NSUN3: variants seen among roughly 807,000 people sequenced by gnomAD.
The protein encoded by NSUN3 is tRNA (cytosine(34)-C(5))-methyltransferase, mitochondrial.
A neutral mutation model predicts 36.8 loss-of-function variants in NSUN3; 24 were observed. That is an observed-to-expected ratio of 0.65 (90% CI 0.47 to 0.92). NSUN3 has a LOEUF of 0.92. NSUN3 is among the 40% of genes least tolerant of loss of function. The pLI is 0.00. For missense variants in NSUN3, 381 were observed against 392.8 expected (o/e 0.97, Z 0.25); for synonymous variants, 146 against 145.2 (o/e 1.01, Z -0.04).
intron 5 of NSUN3, among the ~76,000 whole-genome samples, chr3:94,098,702 T>C: frequency 6.6e-6 from 1 of 152,182 alleles, no homozygotes; most frequent in Non-Finnish European, 1.5e-5. Context: ...GTCTCATTTC[T>C]GAGGCCAGTG....
chr3:94,082,520 C>T (rs952178010), intron 2 of NSUN3, among the ~76,000 whole-genome samples: 6 of 152,128 alleles, frequency 3.9e-5, no homozygotes, highest in African/African-American at 9.7e-5. Flanking sequence ...AGCAGTTTCA[C>T]GTATTAGCCC....
chr3:94,063,192 G>A, intron 1 of NSUN3, 54 bp downstream of exon 1: 2 of 1,598,132 alleles, frequency 1.3e-6, no homozygotes, highest in Non-Finnish European at 1.7e-6. Flanking sequence ...GCTTCTGGAC[G>A]CGGCCGAGGT....
chr3:94,118,705 A>G (rs1286669063), intron 5 of NSUN3, among the ~76,000 whole-genome samples: 1 of 152,028 alleles, frequency 6.6e-6, no homozygotes, highest in Non-Finnish European at 1.5e-5. Flanking sequence ...AAAAAAAAAA[A>G]TAATAAATAA....
At chr3:94,115,484 C>G (rs1219811386) in intron 5 of NSUN3, among the ~76,000 whole-genome samples, 1 of 152,158 alleles carries the variant, frequency 6.6e-6, no homozygotes, top group Non-Finnish European at 1.5e-5. Context: ...GGGCTGTAAT[C>G]TTAATTTTTC....
chr3:94,084,772 G>T, intron 3 of NSUN3: 1 of 201,234 alleles, frequency 5.0e-6, no homozygotes, highest in Non-Finnish European at 1.0e-5. Context: ...GTCTTATGTA[G>T]ATATCCCTGT....
At position 94,125,793 on chromosome 3, in the gene NSUN3, G is replaced by A. The variant is rs2077482978; in HGVS notation, c.744-418G>A. On this transcript the variant is annotated intron_variant, in intron 5 of 5. Coordinates refer to ENST00000314622, the MANE Select transcript of NSUN3 (RefSeq NM_022072.5). ...GTAAGATCAGAGATTGGGCACAGTG[G>A]CTCACGCCTGTAATCCCAACACTTT... Among the ~76,000 whole-genome samples the A allele has an allele frequency of 2.6e-5, 4 of 152,210 alleles. No homozygotes were observed. The South Asian group carries it at 8.3e-4, about 32-fold the overall frequency.
chr3:94,083,214 A>G lies in NSUN3; in HGVS notation c.123-893A>G, dbSNP rs146033808. 3.2e-3 allele frequency among the ~76,000 whole-genome samples: 481 copies of G among 152,046 alleles called. 1 individual carries two copies. The highest frequency in any genetic ancestry group is 5.5e-3 in the Non-Finnish European group (377 of 68,010). ...TTAAGCCTCAAAAACCTCAGTAATCATAATGTTAACAGTAGAGGGTCTTGA... is the reference window on the plus strand; with the variant it reads ...TTAAGCCTCAAAAACCTCAGTAATCGTAATGTTAACAGTAGAGGGTCTTGA... On this transcript the variant is annotated intron_variant, in intron 2 of 5. Transcript: ENST00000314622.
chr3:94,126,596 G>A lies in NSUN3; in HGVS notation c.*106G>A. On this transcript the variant is annotated 3_prime_UTR_variant, in exon 6 of 6. Transcript: ENST00000314622. ...CAGTAACTTTCTCTGGGTCTGTTTG[G>A]AATCCTATTTAGTTAATACTTTAGC... is the stretch of plus-strand genomic sequence containing the variant. 20 of 1,017,112 alleles carry A rather than the reference G, an allele frequency of 2.0e-5. No individual in the cohort carries two copies. The South Asian group carries it at 3.5e-4, about 18-fold the overall frequency. 63.0% of individuals were successfully genotyped at this position (1,017,112 alleles called of 1,614,324 possible). A position where few individuals can be genotyped will look rare whatever the true frequency, so the allele number is the denominator to read the frequency against.
intron 5 of NSUN3, 140 bp downstream of exon 5, chr3:94,095,294 T>C (rs969877208): frequency 1.5e-5 from 12 of 776,028 alleles, no homozygotes; most frequent in African/African-American, 1.2e-4. Flanking sequence ...CTCAAAAAAT[T>C]CCCAACTTCT....
chr3:94,073,960 T>G (rs1218894428), intron 2 of NSUN3, among the ~76,000 whole-genome samples: 2 of 152,222 alleles, frequency 1.3e-5, no homozygotes, highest in African/African-American at 4.8e-5. Context: ...TTAATCCATC[T>G]TCAGCTAATT....
At chr3:94,076,271 T>C in intron 2 of NSUN3, 2 of 901,930 alleles carry the variant, frequency 2.2e-6, no homozygotes, top group Non-Finnish European at 1.9e-6. Flanking sequence ...GTTTCAGATT[T>C]CTCAGATCCC....
intron 2 of NSUN3, among the ~76,000 whole-genome samples, chr3:94,080,935 C>T (rs1445635794): frequency 6.6e-6 from 1 of 152,160 alleles, no homozygotes; most frequent in Non-Finnish European, 1.5e-5. Context: ...CTCGCTGGTG[C>T]TTCAGGCGCC....
At chr3:94,097,567 G>A (rs2077347918) in intron 5 of NSUN3, among the ~76,000 whole-genome samples, 1 of 152,074 alleles carries the variant, frequency 6.6e-6, no homozygotes. Context: ...AGGTCTGCTA[G>A]CATTTTTCTT....
rs1343132884 is a variant in NSUN3, at chr3:94,094,167, G to C, written c.494G>C (p.Ser165Thr). 1 of 1,611,742 alleles carries C rather than the reference G, an allele frequency of 6.2e-7. No individual in the cohort carries two copies. The highest frequency in any genetic ancestry group is 8.5e-7 in the Non-Finnish European group (1 of 1,178,952). ...TATCTTCATTGTAATGAATATGATAGTCTGAGATTGAGGTGGCTAAGGCAG... is the reference window on the plus strand; with the variant it reads ...TATCTTCATTGTAATGAATATGATACTCTGAGATTGAGGTGGCTAAGGCAG... ...PGYLHCNEYD[S>T]LRLRWLRQTL... The change falls in exon 4 of 6, where the codon AGT becomes ACT. Residue 165 changes from serine (S) to threonine (T), a missense_variant. Ser to Thr is a moderately conservative substitution (Grantham distance 58). Coordinates refer to ENST00000314622, the MANE Select transcript of NSUN3 (RefSeq NM_022072.5).
chr3:94,082,588 A>G (rs1473360783), intron 2 of NSUN3, among the ~76,000 whole-genome samples: 1 of 152,154 alleles, frequency 6.6e-6, no homozygotes, highest in Non-Finnish European at 1.5e-5. Flanking sequence ...CAATCCACCC[A>G]TTCCTCACAT....
At chr3:94,063,611 C>T (rs1006938214) in intron 1 of NSUN3, among the ~76,000 whole-genome samples, 5 of 151,920 alleles carry the variant, frequency 3.3e-5, no homozygotes, top group African/African-American at 1.2e-4. Flanking sequence ...TGTCAGCATC[C>T]CCGGTGACTT....
At chr3:94,118,960 G>C (rs1472307606) in intron 5 of NSUN3, among the ~76,000 whole-genome samples, 1 of 151,988 alleles carries the variant, frequency 6.6e-6, no homozygotes, top group African/African-American at 2.4e-5. Flanking sequence ...GAATCATTTT[G>C]CTCCCCCAAA....
chr3:94,116,006 T>C (rs2077438312), intron 5 of NSUN3, among the ~76,000 whole-genome samples: 2 of 152,118 alleles, frequency 1.3e-5, no homozygotes, highest in South Asian at 4.1e-4. Flanking sequence ...TAAGACATTT[T>C]AGGTTTTGTT....
chr3:94,106,385 A>T (rs956658734), intron 5 of NSUN3, among the ~76,000 whole-genome samples: 1 of 152,176 alleles, frequency 6.6e-6, no homozygotes, highest in African/African-American at 2.4e-5. Context: ...ATGTTTCTTT[A>T]TCTTGAATTT....
Sources: allele counts gnomAD v4.1 joint callset (sites outside exome capture counted in the v4.1 genomes callset), GRCh38; gene constraint gnomAD v4.1.1; transcripts MANE v1.5; gene names NCBI Gene and HGNC (gene_info 2026-07-23, HGNC 2026-07-21).